TRMT13: variants seen among roughly 807,000 people sequenced by gnomAD.
TRMT13 encodes tRNA:m(4)X modification enzyme TRM13 homolog.
In TRMT13, 45 loss-of-function variants were observed where a neutral mutation model predicts 55.9. The ratio of observed to expected loss-of-function variants is 0.80; its 90% CI spans 0.63 to 1.03. The LOEUF (loss-of-function observed/expected upper bound fraction) is 1.03. Ranked by LOEUF, TRMT13 falls within the 50% of genes least tolerant of loss-of-function variation. The probability of loss-of-function intolerance (pLI) is 0.00; values close to 1 mark genes in which losing one functional copy is unlikely to be tolerated. For synonymous variants in TRMT13, 183 were observed against 196.3 expected, an observed-to-expected ratio of 0.93 and a Z score of 0.57; for missense variants, 513 against 563.9, an observed-to-expected ratio of 0.91 and a Z score of 0.91.
chr1:100,133,304 G>A lies in TRMT13; in HGVS notation c.136G>A (p.Gly46Arg). ...GAAAAGATTTTGTGGTGAACACGCTGGAGCCGCGGAGGTGTGGTATCGCCC... is the reference window on the plus strand; with the variant it reads ...GAAAAGATTTTGTGGTGAACACGCTAGAGCCGCGGAGGTGTGGTATCGCCC... ...AGKRFCGEHAGAAEEEDARKR... is the reference protein window; with the variant it reads ...AGKRFCGEHARAAEEEDARKR... The change falls in exon 1 of 11, where the codon GGA (glycine) becomes AGA (arginine). Residue 46 changes from glycine to arginine, a missense_variant. Gly to Arg is a moderately radical substitution (Grantham distance 125). Coordinates refer to ENST00000370141, the MANE Select transcript of TRMT13 (RefSeq NM_019083.3). 2.5e-6 allele frequency: 4 copies of A among 1,614,092 alleles called. No homozygotes were observed. Among genetic ancestry groups the A allele is most frequent in the Non-Finnish European group, 3.4e-6 (4 of 1,179,990 alleles).
intron 7 of TRMT13, among the ~76,000 whole-genome samples, chr1:100,141,326 C>T (rs1656594369): frequency 1.3e-5 from 2 of 152,092 alleles, no homozygotes; most frequent in African/African-American, 4.8e-5. Context: ...TTGCCACTTG[C>T]CCTTCATTCA....
Position 100,148,239 on chromosome 1 carries a change from A to C in TRMT13, c.1163A>C (p.Lys388Thr). ...TSLETSNSTT[K>T]RQDNQNDDSE... ...TTGGAAACCTCAAATAGTACCACAA[A>C]GAGGCAAGATAATCAGAATGATGAT... The change falls in exon 10 of 11, where the codon AAG becomes ACG. Residue 388 changes from lysine to threonine, a missense_variant. Transcript: ENST00000370141. 6.2e-7 allele frequency: 1 copy of C among 1,614,218 alleles called. No individual in the cohort carries two copies. The highest frequency in any genetic ancestry group is 8.5e-7 in the Non-Finnish European group (1 of 1,180,032).
rs527520111 is a variant in TRMT13, at chr1:100,145,742, G to A, written c.817+1599G>A. 2.6e-5 allele frequency among the ~76,000 whole-genome samples: 4 copies of A among 152,260 alleles called. No individual in the cohort carries two copies. In the South Asian group the frequency reaches 8.3e-4, roughly 32 times the overall value. ...AGAAATTTGTTGGGCACGATAGCTT[G>A]TGCATGTAGTCCCAGCTATTCAGGA... On this transcript the variant is annotated intron_variant, in intron 9 of 10. Coordinates refer to ENST00000370141, the MANE Select transcript of TRMT13 (RefSeq NM_019083.3).
intron 8 of TRMT13, among the ~76,000 whole-genome samples, chr1:100,143,545 C>T (rs1330950018): frequency 6.6e-6 from 1 of 152,096 alleles, no homozygotes; most frequent in Admixed American, 6.5e-5. Context: ...CTGCAGTTAA[C>T]GTGACTTTAC....
chr1:100,145,169 T>G (rs60826561), intron 9 of TRMT13, among the ~76,000 whole-genome samples: 4,854 of 152,294 alleles, frequency 0.032, 280 homozygotes, highest in African/African-American at 0.11. Flanking sequence ...ACCCTAGGTG[T>G]GTAGTAGGCT....
intron 3 of TRMT13, among the ~76,000 whole-genome samples, chr1:100,138,490 T>G (rs758946072): frequency 2.0e-5 from 3 of 152,194 alleles, no homozygotes; most frequent in Non-Finnish European, 4.4e-5. Context: ...CAGTAAAACA[T>G]TGTAATTCCT....
Position 100,148,912 on chromosome 1 carries a change from A to G in TRMT13, c.*92A>G. The G allele has an allele frequency of 8.9e-7, 1 of 1,123,038 alleles. No individual in the cohort carries two copies. Among genetic ancestry groups the G allele is most frequent in the Non-Finnish European group, 1.2e-6 (1 of 849,472 alleles). 69.6% of individuals were successfully genotyped at this position (1,123,038 alleles called of 1,614,324 possible). A position where few individuals can be genotyped will look rare whatever the true frequency, so the allele number is the denominator to read the frequency against. The stretch of plus-strand genomic sequence containing the variant: ...AAAAAAATATATACTTTAAATAGCA[A>G]ATAATATGAACTTTAAAAAATGCTG... On this transcript the variant is annotated 3_prime_UTR_variant, in exon 11 of 11. Transcript: ENST00000370141.
At chr1:100,138,296 G>A (rs978196753) in intron 3 of TRMT13, among the ~76,000 whole-genome samples, 27 of 152,152 alleles carry the variant, frequency 1.8e-4, no homozygotes, top group African/African-American at 6.3e-4. Flanking sequence ...AATTTCTCCA[G>A]TATAAATAGT....
chr1:100,149,369 C>G lies in TRMT13; in HGVS notation c.*549C>G. 6.5e-7 allele frequency: 1 copy of G among 1,544,054 alleles called. No homozygotes were observed. Among genetic ancestry groups the G allele is most frequent in the Non-Finnish European group, 8.7e-7 (1 of 1,145,072 alleles). Reference sequence around the variant, plus strand: ...CACAATTAATTAATGAAGTCACCTTCAAATTTCCAGAGCCATACATGTATA... The same window carrying G: ...CACAATTAATTAATGAAGTCACCTTGAAATTTCCAGAGCCATACATGTATA... On this transcript the variant is annotated 3_prime_UTR_variant, in exon 11 of 11. Transcript: ENST00000370141.
intron 7 of TRMT13, among the ~76,000 whole-genome samples, chr1:100,142,145 G>T (rs1251315383): frequency 1.3e-5 from 2 of 152,194 alleles, no homozygotes; most frequent in Non-Finnish European, 2.9e-5. Context: ...AGTGTGTTTT[G>T]ATAGTGGTAA....
intron 9 of TRMT13, among the ~76,000 whole-genome samples, chr1:100,145,872 A>G (rs965499334): frequency 5.9e-5 from 9 of 152,258 alleles, no homozygotes; most frequent in East Asian, 1.9e-4. Flanking sequence ...CCCTATCTCA[A>G]TCGGTCAATC....
At chr1:100,133,382 CG>C (rs1655302825) in intron 1 of TRMT13, 67 bp downstream of exon 1, 2 of 1,525,654 alleles carry the variant, frequency 1.3e-6, no homozygotes, top group Admixed American at 4.1e-5. Context: ...TGCTGGAACC[CG>C]GCCCCTCCCC....
Position 100,140,981 on chromosome 1 carries a change from C to A in TRMT13, c.631C>A (p.His211Asn). 6.2e-7 allele frequency: 1 copy of A among 1,613,372 alleles called. No individual in the cohort carries two copies. Among genetic ancestry groups the A allele is most frequent in the South Asian group, 1.1e-5 (1 of 90,996 alleles). Residue 211 changes from histidine (H) to asparagine (N), a missense_variant, in exon 7 of 11, where the codon CAC (histidine) becomes AAC (asparagine). Physicochemically the swap from His to Asn is moderately conservative, Grantham distance 68 (BLOSUM62 1). This residue lies in a region of TRMT13 where 298 missense variants were observed against 290.3 expected (regional missense o/e 1.03). Transcript: ENST00000370141. ...TGCCTTAAAAGATGCTGAAAAAGTT[C>A]ACTTCATCCTAGTGGAAAAGGTGAC... ...DIALKDAEKV[H>N]FILVEKVTTR...
intron 5 of TRMT13, 31 bp from the exon 6 acceptor site, chr1:100,140,377 G>A: frequency 1.3e-6 from 2 of 1,591,638 alleles, no homozygotes; most frequent in Admixed American, 1.7e-5. Context: ...ATGTTTGGCT[G>A]CTTAAGCTGT....
chr1:100,140,490 T>C lies in TRMT13; in HGVS notation c.477T>C (p.Ser159=). ...TTAATGACCCTAAAAATGGCGATTC[T>C]GCAACCAAGCACCTGAAACAGCAGG... ...DALNDPKNGD[S]ATKHLKQQAS... Residue 159 remains serine, a synonymous_variant, in exon 6 of 11, where the codon TCT becomes TCC. Transcript: ENST00000370141. 1 of 1,613,868 alleles carries C rather than the reference T, an allele frequency of 6.2e-7. No homozygotes were observed. Among genetic ancestry groups the C allele is most frequent in the Non-Finnish European group, 8.5e-7 (1 of 1,179,756 alleles).
At chr1:100,147,752 GTAT>G in intron 9 of TRMT13, 139 bp from the exon 10 acceptor site, 2 of 694,098 alleles carry the variant, frequency 2.9e-6, no homozygotes, top group East Asian at 2.8e-5. Flanking sequence ...ATTCATGATA[GTAT>G]TATTACAAAT....
intron 5 of TRMT13, 58 bp downstream of exon 5, chr1:100,140,309 G>A: frequency 6.5e-7 from 1 of 1,542,434 alleles, no homozygotes; most frequent in Non-Finnish European, 8.9e-7. Flanking sequence ...TGGTATATGA[G>A]TTGATACCAT....
intron 10 of TRMT13, 40 bp downstream of exon 10, chr1:100,148,366 AATATT>A: frequency 2.6e-6 from 4 of 1,552,814 alleles, no homozygotes; most frequent in Non-Finnish European, 3.5e-6. Flanking sequence ...CTAAAGGAGA[AATATT>A]ATATTGTACT....
At chr1:100,139,845 T>G in intron 4 of TRMT13, 134 bp downstream of exon 4, 2 of 634,268 alleles carry the variant, frequency 3.2e-6, no homozygotes, top group Non-Finnish European at 5.5e-6. Context: ...GACTTAATAT[T>G]GTTAGTGATG....
Sources: gnomAD v4.1 joint callset for allele counts (sites outside exome capture counted in the v4.1 genomes callset) on GRCh38, gnomAD v4.1.1 for gene constraint, gnomAD v4.1.1 regional missense constraint, MANE v1.5 for transcripts, NCBI Gene and HGNC (gene_info 2026-07-23, HGNC 2026-07-21) for gene names.